RCC2: variants seen among roughly 807,000 people sequenced by gnomAD.
RCC2 encodes the protein protein RCC2.
A neutral mutation model predicts 64.1 loss-of-function variants in RCC2; 19 were observed. The ratio of observed to expected loss-of-function variants is 0.30; its 90% CI spans 0.21 to 0.44. RCC2 has a LOEUF of 0.44. RCC2 is among the 20% of genes least tolerant of loss of function. The pLI, the probability that RCC2 is intolerant of heterozygous loss-of-function variation, is 1.00. For missense variants in RCC2, 508 were observed against 710.4 expected (o/e 0.72, Z 3.24); for synonymous variants, 325 against 279.6 (o/e 1.16, Z -1.62).
intron 2 of RCC2, among the ~76,000 whole-genome samples, chr1:17,429,671 TC>T (rs1341841835): frequency 1.3e-5 from 2 of 152,148 alleles, no homozygotes; most frequent in African/African-American, 4.8e-5. Flanking sequence ...CGAGAGCCTT[TC>T]CATGGGGACT....
intron 2 of RCC2, among the ~76,000 whole-genome samples, chr1:17,431,499 CAAAAA>C (rs558362245): frequency 4.7e-4 from 27 of 57,902 alleles, no homozygotes; most frequent in Middle Eastern, 0.015. Flanking sequence ...AGCCCTGTCT[CAAAAA>C]AAAAAAAAAA....
chr1:17,422,008 A>T (rs1294705237), intron 6 of RCC2, among the ~76,000 whole-genome samples, 195 bp downstream of exon 6: 1 of 152,196 alleles, frequency 6.6e-6, no homozygotes, highest in Non-Finnish European at 1.5e-5. Flanking sequence ...CTGGGCAAAA[A>T]GAGTGAAACT....
chr1:17,427,917 C>A (rs981734508), intron 3 of RCC2, among the ~76,000 whole-genome samples: 5 of 152,180 alleles, frequency 3.3e-5, no homozygotes, highest in Admixed American at 1.3e-4. Context: ...CCCACGGCCT[C>A]CGGATCCCTG....
chr1:17,412,909 C>T (rs1188226892), intron 10 of RCC2, among the ~76,000 whole-genome samples, 164 bp downstream of exon 10: 2 of 152,214 alleles, frequency 1.3e-5, no homozygotes, highest in Non-Finnish European at 2.9e-5. Flanking sequence ...CCTCTCCCCT[C>T]CTGTACCCCC....
intron 2 of RCC2, among the ~76,000 whole-genome samples, chr1:17,431,544 G>C (rs1459354852): frequency 6.9e-6 from 1 of 144,336 alleles, no homozygotes; most frequent in African/African-American, 2.6e-5. Context: ...AAGAAAAAAG[G>C]GCAGCTCCAG....
intron 2 of RCC2, among the ~76,000 whole-genome samples, chr1:17,435,618 C>T (rs2075727869): frequency 6.6e-6 from 1 of 152,246 alleles, no homozygotes; most frequent in Admixed American, 6.5e-5. Context: ...ATGGACCCAG[C>T]CCCGAACATG....
chr1:17,429,677 G>C (rs1311058374), intron 2 of RCC2, among the ~76,000 whole-genome samples: 3 of 152,120 alleles, frequency 2.0e-5, no homozygotes, highest in African/African-American at 7.2e-5. Context: ...CCTTTCCATG[G>C]GGACTCAGGA....
rs182802510 is a variant in RCC2 at position 17,429,331 on chromosome 1, G to A, written c.286-132C>T. ...CTTATGTCACCTGTGACCTCCACAC[G>A]AACAGAGTCTCCCCACACTCCCCTC... On this transcript the variant is annotated intron_variant, in intron 2 of 12. Coordinates refer to ENST00000375436, the MANE Select transcript of RCC2 (RefSeq NM_018715.4). 69 of 697,608 alleles carry A rather than the reference G, an allele frequency of 9.9e-5. No individual in the cohort carries two copies. In the Admixed American group the frequency reaches 1.4e-3, roughly 14 times the overall value. The allele number at this position is 697,608 out of a possible 1,614,324, so 43.2% of individuals were successfully genotyped here. A position where few individuals can be genotyped will look rare whatever the true frequency, so the allele number is the denominator to read the frequency against.
chr1:17,416,240 T>C (rs2075483072), intron 8 of RCC2, among the ~76,000 whole-genome samples: 1 of 152,058 alleles, frequency 6.6e-6, no homozygotes, highest in African/African-American at 2.4e-5. Flanking sequence ...CGGCAAAACA[T>C]CTACGTGTTT....
chr1:17,422,385 TC>T (rs2075565439), intron 5 of RCC2, 94 bp from the exon 6 acceptor site: 6 of 1,193,034 alleles, frequency 5.0e-6, no homozygotes, highest in Middle Eastern at 2.8e-4. Context: ...TAAAAACAGC[TC>T]ATTTGCCAGG....
intron 2 of RCC2, among the ~76,000 whole-genome samples, chr1:17,435,812 G>A (rs1288556314): frequency 6.6e-6 from 1 of 152,006 alleles, no homozygotes; most frequent in East Asian, 1.9e-4. Flanking sequence ...CAGCTACTCG[G>A]GAGGCTGAGG....
chr1:17,419,265 A>G (rs1430447672), intron 7 of RCC2, among the ~76,000 whole-genome samples: 1 of 151,398 alleles, frequency 6.6e-6, no homozygotes, highest in African/African-American at 2.4e-5. Flanking sequence ...AGACCGAGGC[A>G]GGAGAATTGC....
chr1:17,421,388 G>A (rs371249467), intron 6 of RCC2, among the ~76,000 whole-genome samples: 9 of 151,746 alleles, frequency 5.9e-5, no homozygotes, highest in Non-Finnish European at 1.3e-4. Flanking sequence ...CCAGCTACTC[G>A]GGAGGCTGAG....
intron 3 of RCC2, 69 bp from the exon 4 acceptor site, chr1:17,425,753 C>T: frequency 2.7e-6 from 4 of 1,500,752 alleles, no homozygotes; most frequent in Non-Finnish European, 3.6e-6. Context: ...TGTCACTGGC[C>T]ACCAAGCAGC....
chr1:17,411,580 CAAAAAAAA>C (rs56163231), intron 11 of RCC2, among the ~76,000 whole-genome samples: 1 of 64,008 alleles, frequency 1.6e-5, no homozygotes, highest in South Asian at 5.4e-4. Flanking sequence ...AACTCCATCT[CAAAAAAAA>C]AAAAAAAAAA....
At chr1:17,423,121 G>A (rs534406510) in intron 4 of RCC2, among the ~76,000 whole-genome samples, 4 of 152,304 alleles carry the variant, frequency 2.6e-5, no homozygotes, top group African/African-American at 9.6e-5. Context: ...GGCTCAGTGT[G>A]GTAGGGACAC....
chr1:17,418,093 G>A (rs1428598163), intron 7 of RCC2, among the ~76,000 whole-genome samples: 2 of 152,004 alleles, frequency 1.3e-5, no homozygotes, highest in Non-Finnish European at 2.9e-5. Flanking sequence ...GGTACTGGAA[G>A]CAATCCCCCA....
intron 7 of RCC2, among the ~76,000 whole-genome samples, chr1:17,419,148 C>T (rs551908671): frequency 4.9e-4 from 75 of 152,130 alleles, no homozygotes; most frequent in African/African-American, 1.7e-3. Context: ...TGAGATCAAG[C>T]GTTTGAGACC....
intron 11 of RCC2, among the ~76,000 whole-genome samples, chr1:17,411,479 A>G (rs2075424055): frequency 6.6e-6 from 1 of 151,938 alleles, no homozygotes; most frequent in Non-Finnish European, 1.5e-5. Context: ...AGGAGGCTGA[A>G]GCAGGAGAAC....
Sources: gnomAD v4.1 joint callset for allele counts (sites outside exome capture counted in the v4.1 genomes callset) on GRCh38, gnomAD v4.1.1 for gene constraint, MANE v1.5 for transcripts, NCBI Gene and HGNC (gene_info 2026-07-23, HGNC 2026-07-21) for gene names.